CNNM1: variants seen among roughly 807,000 people sequenced by gnomAD.
CNNM1 encodes cyclin and CBS domain divalent metal cation transport mediator 1.
Under a neutral mutation model 78.8 loss-of-function variants are expected in CNNM1, and 44 were observed. The ratio of observed to expected loss-of-function variants is 0.56; its 90% confidence interval spans 0.44 to 0.72. CNNM1 has a LOEUF of 0.72. CNNM1 is among the 30% of genes least tolerant of loss of function. The pLI, the probability that CNNM1 is intolerant of heterozygous loss-of-function variation, is 0.00. For synonymous variants in CNNM1, 584 were observed against 581.5 expected (o/e 1.00, Z -0.06); for missense variants, 1,101 against 1,292.2 (o/e 0.85, Z 2.27).
At chr10:99,353,624 G>A (rs1031501715) in intron 1 of CNNM1, among the ~76,000 whole-genome samples, 1 of 152,092 alleles carries the variant, frequency 6.6e-6, no homozygotes, top group Non-Finnish European at 1.5e-5. Flanking sequence ...GAGTGTGTGT[G>A]GTATGTGTGA....
chr10:99,358,080 C>T (rs2031288394), intron 2 of CNNM1, among the ~76,000 whole-genome samples: 1 of 152,156 alleles, frequency 6.6e-6, no homozygotes, highest in East Asian at 1.9e-4. Context: ...TCGCAGTGAG[C>T]AGTGGAGACT....
intron 1 of CNNM1, among the ~76,000 whole-genome samples, chr10:99,356,514 G>GAAAGAAAGAAAGAA (rs1234385335): frequency 2.2e-4 from 32 of 142,642 alleles, no homozygotes; most frequent in African/African-American, 8.4e-4. Context: ...GAGAGAGAAA[G>GAAAGAAAGAAAGAA]AGAAAGAGAG....
At position 99,391,617 on chromosome 10, in the gene CNNM1, C is replaced by A; in HGVS notation, c.*101C>A. 1.0e-6 allele frequency: 1 copy of A among 962,268 alleles called. No homozygotes were observed. Among genetic ancestry groups the A allele is most frequent in the Non-Finnish European group, 1.6e-6 (1 of 628,166 alleles). 59.6% of individuals were successfully genotyped at this position (962,268 alleles called of 1,614,324 possible). A position where few individuals can be genotyped will look rare whatever the true frequency, so the allele number is the denominator to read the frequency against. On this transcript the variant is annotated 3_prime_UTR_variant, in exon 11 of 11. Coordinates refer to ENST00000356713, the MANE Select transcript of CNNM1 (RefSeq NM_020348.3). ...TTCCCCCAAGGCCTCCCACAGGTGA[C>A]AGAATGTTCTGCCTTCCCTTCCATC...
In CNNM1 at chr10:99,388,235, A is replaced by G; in HGVS notation, c.2608A>G (p.Thr870Ala). 3 of 1,613,956 alleles carry G rather than the reference A, an allele frequency of 1.9e-6. No individual in the cohort carries two copies. Among genetic ancestry groups the G allele is most frequent in the Non-Finnish European group, 2.5e-6 (3 of 1,179,886 alleles). Residue 870 changes from threonine (T) to alanine (A), a missense_variant, in exon 9 of 11, where the codon ACT becomes GCT. By Grantham distance (58) the Thr-to-Ala change is moderately conservative (BLOSUM62 0). Transcript: ENST00000356713. ...GCTGGCCTTCACCCAGGAAGAAATGACTGACTTCGAGGAGCACAGCACACA... is the reference window on the plus strand; with the variant it reads ...GCTGGCCTTCACCCAGGAAGAAATGGCTGACTTCGAGGAGCACAGCACACA... ...EELAFTQEEM[T>A]DFEEHSTQQL...
chr10:99,369,509 A>G (rs1004865778), intron 6 of CNNM1, among the ~76,000 whole-genome samples: 3 of 152,176 alleles, frequency 2.0e-5, no homozygotes, highest in African/African-American at 4.8e-5. Flanking sequence ...TTCTCTGTCT[A>G]TATAGTAGAC....
intron 6 of CNNM1, among the ~76,000 whole-genome samples, chr10:99,374,084 C>T (rs777214434): frequency 3.9e-5 from 6 of 152,092 alleles, no homozygotes; most frequent in Non-Finnish European, 8.8e-5. Context: ...GGGTAGATAC[C>T]CAGTTGTGGG....
intron 6 of CNNM1, chr10:99,365,215 C>A: frequency 1.5e-6 from 1 of 648,568 alleles, no homozygotes. Context: ...TTTTCTGCTG[C>A]TTCTCTGCTC....
chr10:99,364,043 T>G (rs2031526581), intron 4 of CNNM1, among the ~76,000 whole-genome samples: 1 of 152,104 alleles, frequency 6.6e-6, no homozygotes, highest in Non-Finnish European at 1.5e-5. Context: ...GCACTCGGCC[T>G]AGATTTTATC....
chr10:99,369,957 A>G (rs967659917), intron 6 of CNNM1, among the ~76,000 whole-genome samples: 1 of 152,172 alleles, frequency 6.6e-6, no homozygotes, highest in Non-Finnish European at 1.5e-5. Context: ...GAAAGGGGAG[A>G]TGCACATTTT....
chr10:99,373,210 G>C (rs1171922980), intron 6 of CNNM1, among the ~76,000 whole-genome samples: 1 of 152,204 alleles, frequency 6.6e-6, no homozygotes, highest in Admixed American at 6.5e-5. Context: ...TGTGACATAA[G>C]AGATGAGGAT....
At chr10:99,388,330 G>A in intron 9 of CNNM1, 29 bp downstream of exon 9, 1 of 1,606,002 alleles carries the variant, frequency 6.2e-7, no homozygotes, top group Non-Finnish European at 8.5e-7. Context: ...GCCCAGTGCA[G>A]CAAGGGAGAT....
chr10:99,336,493 G>A (rs1410825160), intron 1 of CNNM1, among the ~76,000 whole-genome samples: 2 of 152,156 alleles, frequency 1.3e-5, no homozygotes, highest in Admixed American at 6.5e-5. Flanking sequence ...AGTGCATGAC[G>A]ATTTCTTAAA....
intron 1 of CNNM1, among the ~76,000 whole-genome samples, chr10:99,356,538 AAGACAGACAGACAGACAGACAGAC>A (rs199900201): frequency 2.3e-5 from 2 of 87,652 alleles, no homozygotes; most frequent in African/African-American, 6.6e-5. Context: ...GAAAGAAAGA[AAGACAGACAGACAGACAGACAGAC>A]AGAAAGAAAG....
rs1257880043 is a variant in CNNM1 at position 99,364,286 on chromosome 10, C to T, written c.2029-131C>T. 53 of 627,306 alleles carry T rather than the reference C, an allele frequency of 8.4e-5. 2 individuals are homozygous for T. In the Admixed American group the frequency reaches 1.3e-3, roughly 15 times the overall value. The allele number at this position is 627,306 out of a possible 1,614,324, so 38.9% of individuals were successfully genotyped here. On this transcript the variant is annotated intron_variant, in intron 4 of 10. Coordinates refer to ENST00000356713, the MANE Select transcript of CNNM1 (RefSeq NM_020348.3). ...CACATGTAAATCTGGAGAGAATTAA[C>T]ATTCCTCTGTGATAAGAACATGGGT...
chr10:99,330,254 C>G lies in CNNM1; in HGVS notation c.867C>G (p.Gly289=), dbSNP rs2134007183. ...GTHLLCTLLL[G]QAGANAALAG... is the part of the protein sequence containing the mutation. ...ATCTGCTCTGCACCCTACTCCTGGG[C>G]CAAGCCGGAGCCAACGCGGCCCTGG... Residue 289 remains glycine, a synonymous_variant, in exon 1 of 11, where the codon GGC becomes GGG. Transcript: ENST00000356713. The G allele has an allele frequency of 6.5e-7, 1 of 1,549,180 alleles. No individual in the cohort carries two copies. Among genetic ancestry groups the G allele is most frequent in the East Asian group, 2.4e-5 (1 of 42,344 alleles).
intron 7 of CNNM1, among the ~76,000 whole-genome samples, chr10:99,384,430 G>A (rs2032246773): frequency 6.6e-6 from 1 of 152,148 alleles, no homozygotes; most frequent in Admixed American, 6.5e-5. Flanking sequence ...GCCATTGGGT[G>A]GTACCTTTCC....
At chr10:99,355,959 T>C (rs1248382234) in intron 1 of CNNM1, among the ~76,000 whole-genome samples, 1 of 152,204 alleles carries the variant, frequency 6.6e-6, no homozygotes, top group Non-Finnish European at 1.5e-5. Flanking sequence ...ACTAGGTCAT[T>C]TGAGCTCCAC....
At chr10:99,369,617 C>A (rs914855342) in intron 6 of CNNM1, among the ~76,000 whole-genome samples, 1 of 152,136 alleles carries the variant, frequency 6.6e-6, no homozygotes, top group Non-Finnish European at 1.5e-5. Context: ...CCCAAAATCA[C>A]TTTTTTTCAT....
At chr10:99,351,459 A>G (rs1200155403) in intron 1 of CNNM1, among the ~76,000 whole-genome samples, 4 of 152,234 alleles carry the variant, frequency 2.6e-5, no homozygotes, top group African/African-American at 9.6e-5. Context: ...GTTAGATACA[A>G]GCATTTGCCC....
Sources: gnomAD v4.1 joint callset for allele counts (sites outside exome capture counted in the v4.1 genomes callset) on GRCh38, gnomAD v4.1.1 for gene constraint, MANE v1.5 for transcripts, NCBI Gene and HGNC (gene_info 2026-07-23, HGNC 2026-07-21) for gene names.